CYB5R4: variants seen among roughly 807,000 people sequenced by gnomAD.
The protein encoded by CYB5R4 is N-terminal cytochrome b5 and cytochrome b5 oxidoreductase domain-containing protein.
Under a neutral mutation model 70.2 loss-of-function variants are expected in CYB5R4, and 55 were observed. The observed-to-expected ratio is 0.78, with a 90% confidence interval of 0.63 to 0.98. The LOEUF (loss-of-function observed/expected upper bound fraction) is 0.98. CYB5R4 is among the 50% of genes least tolerant of loss of function. CYB5R4 has a pLI of 0.00. For missense variants in CYB5R4, 562 were observed against 612.6 expected (o/e 0.92, Z 0.87); for synonymous variants, 197 against 199.5 (o/e 0.99, Z 0.11).
intron 10 of CYB5R4, among the ~76,000 whole-genome samples, chr6:83,933,677 T>A (rs781419459): frequency 1.3e-5 from 2 of 152,206 alleles, no homozygotes; most frequent in Non-Finnish European, 2.9e-5. Flanking sequence ...GTGAAAATCT[T>A]AATTCTTTCA....
intron 3 of CYB5R4, among the ~76,000 whole-genome samples, chr6:83,894,200 A>C (rs1245927505): frequency 6.6e-6 from 1 of 152,230 alleles, no homozygotes; most frequent in African/African-American, 2.4e-5. Flanking sequence ...TATATTTACT[A>C]AAAACTAGCA....
intron 10 of CYB5R4, 98 bp downstream of exon 10, chr6:83,924,690 T>C (rs1375241022): frequency 7.8e-7 from 1 of 1,289,442 alleles, no homozygotes; most frequent in Non-Finnish European, 1.1e-6. Flanking sequence ...TGAAATGAGC[T>C]GAAGGGTCCT....
At chr6:83,874,174 C>A (rs1588560114) in intron 2 of CYB5R4, among the ~76,000 whole-genome samples, 2 of 98,900 alleles carry the variant, frequency 2.0e-5, no homozygotes, top group Non-Finnish European at 4.0e-5. Flanking sequence ...CCCTCCCCTC[C>A]CCTCCCCTCC....
chr6:83,922,038 A>G (rs553872560), intron 8 of CYB5R4, among the ~76,000 whole-genome samples: 1 of 152,316 alleles, frequency 6.6e-6, no homozygotes, highest in African/African-American at 2.4e-5. Flanking sequence ...AAGGTAAGCT[A>G]GACCCAGACC....
intron 15 of CYB5R4, among the ~76,000 whole-genome samples, chr6:83,957,622 C>CAA (rs34196225): frequency 0.058 from 3,839 of 66,472 alleles, 317 homozygotes; most frequent in African/African-American, 0.15. Flanking sequence ...AACTCTGTCT[C>CAA]AAAAAAAAAA....
chr6:83,921,554 A>G (rs117107959), intron 8 of CYB5R4, among the ~76,000 whole-genome samples: 2,493 of 152,246 alleles, frequency 0.016, 33 homozygotes, highest in Middle Eastern at 0.037. Flanking sequence ...CAGTTCTGCC[A>G]TAGGAAGTCA....
intron 3 of CYB5R4, among the ~76,000 whole-genome samples, chr6:83,896,267 A>G (rs1189094896): frequency 6.6e-6 from 1 of 152,170 alleles, no homozygotes; most frequent in Admixed American, 6.6e-5. Flanking sequence ...AGGTAACATG[A>G]CAGCTAGATT....
At chr6:83,924,406 G>A (rs1294499539) in intron 9 of CYB5R4, 64 bp from the exon 10 acceptor site, 1 of 1,525,228 alleles carries the variant, frequency 6.6e-7, no homozygotes, top group Non-Finnish European at 9.0e-7. Flanking sequence ...GAGAAATACT[G>A]GTTTTAAAAT....
chr6:83,939,722 T>C (rs2099469464), intron 12 of CYB5R4, among the ~76,000 whole-genome samples: 1 of 152,198 alleles, frequency 6.6e-6, no homozygotes, highest in Admixed American at 6.5e-5. Context: ...ATCAATCCTT[T>C]ATTGATAATT....
chr6:83,907,916 G>A (rs963137086), intron 3 of CYB5R4, among the ~76,000 whole-genome samples: 5 of 152,050 alleles, frequency 3.3e-5, no homozygotes, highest in Admixed American at 1.3e-4. Flanking sequence ...CTTTGCTATT[G>A]TGAATAGTGC....
intron 12 of CYB5R4, 115 bp downstream of exon 12, chr6:83,936,491 C>T (rs1287816318): frequency 1.2e-6 from 1 of 852,478 alleles, no homozygotes; most frequent in Non-Finnish European, 1.8e-6. Context: ...ATGTCTACAA[C>T]CAAAGTTATC....
chr6:83,875,675 G>T (rs9449713), intron 2 of CYB5R4, among the ~76,000 whole-genome samples: 23,409 of 152,140 alleles, frequency 0.15, 3,523 homozygotes, highest in African/African-American at 0.37. Flanking sequence ...GAGGAGGAAC[G>T]CATCCACCCT....
At chr6:83,886,162 A>T (rs775311634) in intron 2 of CYB5R4, among the ~76,000 whole-genome samples, 4 of 152,154 alleles carry the variant, frequency 2.6e-5, no homozygotes, top group Non-Finnish European at 5.9e-5. Context: ...AGGGCATCCC[A>T]TGGTAAGGGG....
At chr6:83,947,901 A>G (rs910327622) in intron 14 of CYB5R4, among the ~76,000 whole-genome samples, 2 of 152,174 alleles carry the variant, frequency 1.3e-5, no homozygotes, top group Non-Finnish European at 1.5e-5. Flanking sequence ...GAGAAATAGG[A>G]ACACTTTTAC....
intron 1 of CYB5R4, among the ~76,000 whole-genome samples, chr6:83,860,116 C>T (rs1489365588): frequency 6.6e-6 from 1 of 152,092 alleles, no homozygotes; most frequent in Non-Finnish European, 1.5e-5. Context: ...CAAGTCCTTT[C>T]CCGCGATTTA....
At chr6:83,932,377 A>G (rs900384003) in intron 10 of CYB5R4, among the ~76,000 whole-genome samples, 3 of 152,220 alleles carry the variant, frequency 2.0e-5, no homozygotes, top group South Asian at 4.1e-4. Context: ...GGAGAGTTGC[A>G]TAGTTACTAT....
At chr6:83,937,064 C>T (rs556332828) in intron 12 of CYB5R4, among the ~76,000 whole-genome samples, 6 of 152,126 alleles carry the variant, frequency 3.9e-5, no homozygotes, top group East Asian at 1.9e-4. Context: ...CTCTTGAGGT[C>T]GGAAGTTCGA....
chr6:83,942,013 T>G (rs1318669775), intron 14 of CYB5R4, among the ~76,000 whole-genome samples: 1 of 152,158 alleles, frequency 6.6e-6, no homozygotes, highest in Non-Finnish European at 1.5e-5. Flanking sequence ...TATTGTGAGC[T>G]TTGGAGAAGA....
intron 1 of CYB5R4, among the ~76,000 whole-genome samples, chr6:83,860,470 C>T (rs868796653): frequency 6.6e-6 from 1 of 152,200 alleles, no homozygotes; most frequent in Non-Finnish European, 1.5e-5. Flanking sequence ...TATAATAATA[C>T]TCTTGAGTTC....
Sources: gnomAD v4.1 joint callset for allele counts (sites outside exome capture counted in the v4.1 genomes callset) on GRCh38, gnomAD v4.1.1 for gene constraint, MANE v1.5 for transcripts, NCBI Gene and HGNC (gene_info 2026-07-23, HGNC 2026-07-21) for gene names.